SLC24A3: variants seen among roughly 807,000 people sequenced by gnomAD.
SLC24A3 encodes solute carrier family 24 member 3.
Under a neutral mutation model 75.8 loss-of-function variants are expected in SLC24A3, and 28 were observed. The observed-to-expected ratio is 0.37, with a 90% CI of 0.27 to 0.51. SLC24A3 has a LOEUF of 0.51. SLC24A3 is among the 20% of genes least tolerant of loss of function. The pLI is 0.94. For synonymous variants in SLC24A3, 372 were observed against 334.1 expected, an observed-to-expected ratio of 1.11 and a Z score of -1.24; for missense variants, 663 against 847.8, an observed-to-expected ratio of 0.78 and a Z score of 2.71.
chr20:19,589,483 C>T (rs1413158702), intron 6 of SLC24A3, among the ~76,000 whole-genome samples: 1 of 152,140 alleles, frequency 6.6e-6, no homozygotes, highest in Non-Finnish European at 1.5e-5. Flanking sequence ...ATCTAGGGGA[C>T]AGCAGTGGAA....
intron 3 of SLC24A3, among the ~76,000 whole-genome samples, chr20:19,578,606 G>A (rs1013917623): frequency 1.3e-5 from 2 of 151,926 alleles, no homozygotes; most frequent in Non-Finnish European, 2.9e-5. Context: ...ATGTGTGTGC[G>A]CCCTGTGTGA....
chr20:19,225,471 T>C (rs1981845682), intron 1 of SLC24A3, among the ~76,000 whole-genome samples: 1 of 152,206 alleles, frequency 6.6e-6, no homozygotes, highest in African/African-American at 2.4e-5. Flanking sequence ...CCCTTACATA[T>C]GTTAAATTGA....
Position 19,323,453 on chromosome 20 carries a change from G to A in SLC24A3, c.271+42366G>A, listed in dbSNP as rs180887792. 3.1e-3 allele frequency among the ~76,000 whole-genome samples: 468 copies of A among 152,202 alleles called. 5 individuals are homozygous for A. The highest frequency in any genetic ancestry group is 6.8e-3 in the Middle Eastern group (2 of 292). ...AACTATAGTGGGTGTTTCTGGCAAGGTTGATCATTTCTTTTATATTTAAGA... is the reference window on the plus strand; with the variant it reads ...AACTATAGTGGGTGTTTCTGGCAAGATTGATCATTTCTTTTATATTTAAGA... On this transcript the variant is annotated intron_variant, in intron 2 of 16. Transcript: ENST00000328041.
intron 12 of SLC24A3, among the ~76,000 whole-genome samples, chr20:19,690,277 A>G (rs2032730990): frequency 6.6e-6 from 1 of 152,224 alleles, no homozygotes; most frequent in Non-Finnish European, 1.5e-5. Flanking sequence ...TTTTCCAGAT[A>G]TAATGCCCTC....
intron 2 of SLC24A3, among the ~76,000 whole-genome samples, chr20:19,311,303 G>A (rs1984452201): frequency 6.6e-6 from 1 of 152,134 alleles, no homozygotes; most frequent in African/African-American, 2.4e-5. Context: ...GCCCGCGGAT[G>A]GGTTCTCTGT....
chr20:19,667,211 C>T (rs1312375571), intron 8 of SLC24A3, among the ~76,000 whole-genome samples: 1 of 152,190 alleles, frequency 6.6e-6, no homozygotes, highest in Non-Finnish European at 1.5e-5. Flanking sequence ...TATTAAGATA[C>T]TTTTGCTAAC....
intron 1 of SLC24A3, among the ~76,000 whole-genome samples, chr20:19,252,647 G>GGGT (rs1555783974): frequency 1.4e-5 from 2 of 148,088 alleles, no homozygotes; most frequent in African/African-American, 5.1e-5. Flanking sequence ...GAATGGCGGG[G>GGGT]GGGGGTGCCT....
chr20:19,554,649 A>G (rs1436808483), intron 3 of SLC24A3, among the ~76,000 whole-genome samples: 1 of 152,264 alleles, frequency 6.6e-6, no homozygotes, highest in Non-Finnish European at 1.5e-5. Flanking sequence ...GATACCTTGC[A>G]TGTAGCAGAA....
chr20:19,367,327 C>A (rs1408724496), intron 2 of SLC24A3, among the ~76,000 whole-genome samples: 1 of 152,156 alleles, frequency 6.6e-6, no homozygotes, highest in African/African-American at 2.4e-5. Flanking sequence ...AGTTTTAAAT[C>A]TGGAAGCTGA....
intron 2 of SLC24A3, among the ~76,000 whole-genome samples, chr20:19,327,861 C>T (rs1984907371): frequency 6.6e-6 from 1 of 152,080 alleles, no homozygotes; most frequent in Non-Finnish European, 1.5e-5. Flanking sequence ...AACATAAGGA[C>T]AAGGAACAAA....
At chr20:19,220,212 G>A (rs1000113833) in intron 1 of SLC24A3, among the ~76,000 whole-genome samples, 1 of 152,136 alleles carries the variant, frequency 6.6e-6, no homozygotes, top group Non-Finnish European at 1.5e-5. Flanking sequence ...TCTAGTAATC[G>A]TTTTTGGCTT....
At chr20:19,286,316 G>A (rs1983817222) in intron 2 of SLC24A3, among the ~76,000 whole-genome samples, 1 of 152,140 alleles carries the variant, frequency 6.6e-6, no homozygotes, top group African/African-American at 2.4e-5. Context: ...AGCAACAGGA[G>A]GGGAGGTTCA....
intron 2 of SLC24A3, among the ~76,000 whole-genome samples, chr20:19,382,424 C>T (rs1479588124): frequency 6.6e-6 from 1 of 152,216 alleles, no homozygotes; most frequent in Non-Finnish European, 1.5e-5. Flanking sequence ...TTTTTATACT[C>T]ATGAGAATCA....
At chr20:19,585,811 TA>T (rs2031286499) in intron 6 of SLC24A3, among the ~76,000 whole-genome samples, 1 of 152,220 alleles carries the variant, frequency 6.6e-6, no homozygotes, top group African/African-American at 2.4e-5. Context: ...AGATGTGGGT[TA>T]CAATCTGAAG....
chr20:19,212,716 CG>C lies in SLC24A3; in HGVS notation c.-124del. The C allele has an allele frequency of 1.4e-6, 1 of 732,136 alleles. No individual in the cohort carries two copies. The highest frequency in any genetic ancestry group is 1.7e-6 in the Non-Finnish European group (1 of 600,556). 45.4% of individuals were successfully genotyped at this position (732,136 alleles called of 1,614,324 possible). A position where few individuals can be genotyped will look rare whatever the true frequency, so the allele number is the denominator to read the frequency against. The stretch of plus-strand genomic sequence containing the variant: ...AGGAAGAGGAGGCGGAGGCGGCGGC[CG>C]GGTGGGAGCGCAGCGAGGACGCGCG... On this transcript the variant is annotated 5_prime_UTR_variant, in exon 1 of 17. Coordinates refer to ENST00000328041, the MANE Select transcript of SLC24A3 (RefSeq NM_020689.4).
At chr20:19,226,363 G>A (rs1447243693) in intron 1 of SLC24A3, among the ~76,000 whole-genome samples, 2 of 152,024 alleles carry the variant, frequency 1.3e-5, no homozygotes, top group Admixed American at 6.6e-5. Context: ...CACAAGATAC[G>A]GACCTGTAAT....
In SLC24A3 at chr20:19,214,010, C is replaced by T. The variant is rs73277054; in HGVS notation, c.142+1026C>T. 8.5e-3 allele frequency among the ~76,000 whole-genome samples: 1,288 copies of T among 152,270 alleles called. 18 individuals are homozygous for T. The highest frequency in any genetic ancestry group is 0.029 in the African/African-American group (1,208 of 41,542). On this transcript the variant is annotated intron_variant, in intron 1 of 16. Transcript: ENST00000328041. ...TGCTGTGGTGTTGAGGTCGACGTAG[C>T]TCTAATGCAAGATGTCATGAGGTGC...
chr20:19,521,411 CAGGTTTCCAT>C (rs1165221362), intron 3 of SLC24A3, among the ~76,000 whole-genome samples: 1 of 152,220 alleles, frequency 6.6e-6, no homozygotes, highest in Non-Finnish European at 1.5e-5. Context: ...CCAAATCACA[CAGGTTTCCAT>C]AGGAGGCCTG....
intron 6 of SLC24A3, among the ~76,000 whole-genome samples, chr20:19,596,993 T>TTC (rs1358939478): frequency 6.6e-6 from 1 of 152,262 alleles, no homozygotes; most frequent in Non-Finnish European, 1.5e-5. Context: ...CATGTCTTTA[T>TTC]TCTGTGTTCC....
Sources: gnomAD v4.1 joint callset for allele counts (sites outside exome capture counted in the v4.1 genomes callset) on GRCh38, gnomAD v4.1.1 for gene constraint, MANE v1.5 for transcripts, NCBI Gene and HGNC (gene_info 2026-07-23, HGNC 2026-07-21) for gene names.